PTN: variants seen among roughly 807,000 people sequenced by gnomAD.
PTN encodes pleiotrophin.
In PTN, 18 loss-of-function variants were observed where a neutral mutation model predicts 24.1. The observed-to-expected ratio is 0.75, with a 90% CI of 0.52 to 1.11. PTN has a LOEUF of 1.11. Ranked by LOEUF, PTN falls within the 50% of genes least tolerant of loss-of-function variation. PTN has a pLI of 0.00. For synonymous variants in PTN, 78 were observed against 68.6 expected, an observed-to-expected ratio of 1.14 and a Z score of -0.67; for missense variants, 163 against 198.8, an observed-to-expected ratio of 0.82 and a Z score of 1.08.
chr7:137,227,852 A>T lies in PTN; in HGVS notation c.*168T>A, dbSNP rs951849308. Reference sequence around the variant, plus strand: ...TATAAGCCCCTACTGGTACTATAGTATACATTTAAAAAACGCTACTACAAA... The same window carrying T: ...TATAAGCCCCTACTGGTACTATAGTTTACATTTAAAAAACGCTACTACAAA... On this transcript the variant is annotated 3_prime_UTR_variant, in exon 5 of 5. Coordinates refer to ENST00000348225, the MANE Select transcript of PTN (RefSeq NM_002825.7). 11 of 684,620 alleles carry T rather than the reference A, an allele frequency of 1.6e-5. No individual in the cohort carries two copies. Among genetic ancestry groups the T allele is most frequent in the Non-Finnish European group, 2.3e-5 (10 of 436,526 alleles). The allele number at this position is 684,620 out of a possible 1,614,324, so 42.4% of individuals were successfully genotyped here.
chr7:137,250,431 A>G (rs934831999), intron 4 of PTN, among the ~76,000 whole-genome samples: 1 of 152,166 alleles, frequency 6.6e-6, no homozygotes, highest in Non-Finnish European at 1.5e-5. Context: ...GCACTGGATT[A>G]GGGCCTACCC....
chr7:137,250,250 G>A (rs1808799736), intron 4 of PTN, among the ~76,000 whole-genome samples: 2 of 152,104 alleles, frequency 1.3e-5, no homozygotes, highest in African/African-American at 4.8e-5. Flanking sequence ...TTTATTTATT[G>A]TCTTGCAGTT....
intron 1 of PTN, chr7:137,325,380 C>A (rs1810241487): frequency 6.6e-6 from 1 of 152,038 alleles, no homozygotes; most frequent in Admixed American, 6.6e-5. Context: ...TTCTGCCCTC[C>A]CTAGGAAGAA....
intron 1 of PTN, among the ~76,000 whole-genome samples, chr7:137,328,573 A>G (rs1287405012): frequency 2.0e-5 from 3 of 152,168 alleles, no homozygotes; most frequent in Admixed American, 6.5e-5. Context: ...TCTCAACACA[A>G]ACAAACCCGG....
In PTN at chr7:137,227,948, G is replaced by T; in HGVS notation, c.*72C>A. The T allele has an allele frequency of 1.9e-6, 3 of 1,561,986 alleles. No homozygotes were observed. Among genetic ancestry groups the T allele is most frequent in the South Asian group, 1.2e-5 (1 of 82,078 alleles). ...GATAATTTTTGAATACAAAGCCTAC[G>T]GTACATATAAATGCAATAGTTAACT... is the stretch of plus-strand genomic sequence containing the variant. On this transcript the variant is annotated 3_prime_UTR_variant, in exon 5 of 5. Coordinates refer to ENST00000348225, the MANE Select transcript of PTN (RefSeq NM_002825.7).
chr7:137,335,099 C>G (rs193180585), intron 1 of PTN, among the ~76,000 whole-genome samples: 1,898 of 143,108 alleles, frequency 0.013, 43 homozygotes, highest in African/African-American at 0.046. Flanking sequence ...TGCTAAATGA[C>G]GAGTTGATGG....
At chr7:137,269,873 C>T (rs992934377) in intron 1 of PTN, among the ~76,000 whole-genome samples, 1 of 152,042 alleles carries the variant, frequency 6.6e-6, no homozygotes, top group Admixed American at 6.6e-5. Flanking sequence ...CCTCGTGAGC[C>T]TCCCACCTCT....
intron 1 of PTN, among the ~76,000 whole-genome samples, chr7:137,327,757 A>G (rs1041741360): frequency 6.6e-6 from 1 of 152,066 alleles, no homozygotes; most frequent in Non-Finnish European, 1.5e-5. Context: ...TTTACATTTG[A>G]TTTTCCAGCT....
chr7:137,266,653 C>A (rs1809152569), intron 1 of PTN, among the ~76,000 whole-genome samples: 2 of 149,478 alleles, frequency 1.3e-5, no homozygotes, highest in African/African-American at 2.5e-5. Context: ...TTGAAGATAA[C>A]CATTCTGTTT....
chr7:137,261,991 A>C (rs571494178), intron 1 of PTN, among the ~76,000 whole-genome samples: 5 of 151,568 alleles, frequency 3.3e-5, no homozygotes, highest in Non-Finnish European at 4.4e-5. Context: ...TAATATCTTT[A>C]GGTTCTATGG....
intron 1 of PTN, among the ~76,000 whole-genome samples, chr7:137,257,803 T>C (rs1191775517): frequency 6.6e-6 from 1 of 152,188 alleles, no homozygotes; most frequent in East Asian, 1.9e-4. Flanking sequence ...GAAATTCTCA[T>C]GGAGAACGCA....
At chr7:137,325,259 T>G (rs1810239761) in intron 1 of PTN, 1 of 152,200 alleles carries the variant, frequency 6.6e-6, no homozygotes, top group Non-Finnish European at 1.5e-5. Context: ...ATTAATTAAA[T>G]TGGGGATTGG....
chr7:137,300,184 A>G (rs1182075441), intron 1 of PTN, among the ~76,000 whole-genome samples: 1 of 151,902 alleles, frequency 6.6e-6, no homozygotes, highest in African/African-American at 2.4e-5. Flanking sequence ...AAACATTTTT[A>G]TATCTTTTAC....
chr7:137,317,407 TCTAA>T (rs1051566635), intron 1 of PTN, among the ~76,000 whole-genome samples: 1 of 152,240 alleles, frequency 6.6e-6, no homozygotes, highest in Admixed American at 6.5e-5. Flanking sequence ...CTTTAAATTT[TCTAA>T]CTAACTGAGA....
At position 137,337,838 on chromosome 7, in the gene PTN, T is replaced by C. The variant is rs547457507; in HGVS notation, c.-2+5601A>G. On this transcript the variant is annotated intron_variant, in intron 1 of 4. Coordinates refer to ENST00000348225, the MANE Select transcript of PTN (RefSeq NM_002825.7). ...TTTGGTAAGGCAAGGGGATTAGGCA[T>C]AGAACACAGATGGTCAAGGTGGGTG... is the stretch of plus-strand genomic sequence containing the variant. Among the ~76,000 whole-genome samples, 15 of 152,276 alleles carry C rather than the reference T, an allele frequency of 9.9e-5. No individual in the cohort carries two copies. The East Asian group carries it at 2.7e-3, about 27-fold the overall frequency.
chr7:137,245,306 C>T (rs766622755), intron 4 of PTN, among the ~76,000 whole-genome samples: 4 of 152,204 alleles, frequency 2.6e-5, no homozygotes, highest in African/African-American at 9.6e-5. Flanking sequence ...TACAGTTACG[C>T]ACCACATAGC....
intron 1 of PTN, among the ~76,000 whole-genome samples, chr7:137,290,923 C>G (rs1316321615): frequency 6.6e-6 from 1 of 152,130 alleles, no homozygotes; most frequent in African/African-American, 2.4e-5. Flanking sequence ...TTCTCTTCAT[C>G]ACACAACGTG....
At chr7:137,274,770 T>C (rs888750807) in intron 1 of PTN, among the ~76,000 whole-genome samples, 6 of 152,228 alleles carry the variant, frequency 3.9e-5, no homozygotes, top group African/African-American at 1.4e-4. Context: ...AATGATTTCA[T>C]CTTGTCATCA....
chr7:137,317,098 C>T (rs1810085366), intron 1 of PTN, among the ~76,000 whole-genome samples: 1 of 152,154 alleles, frequency 6.6e-6, no homozygotes, highest in Non-Finnish European at 1.5e-5. Flanking sequence ...CATCAGTCAC[C>T]TAGAGTGTTT....
Sources: allele counts gnomAD v4.1 joint callset (sites outside exome capture counted in the v4.1 genomes callset), GRCh38; gene constraint gnomAD v4.1.1; transcripts MANE v1.5; gene names NCBI Gene and HGNC (gene_info 2026-07-23, HGNC 2026-07-21).